Variants in SLC27A2 observed in about 807,000 individuals in gnomAD.
The protein encoded by SLC27A2 is long-chain fatty acid transport protein 2.
A neutral mutation model predicts 60.0 loss-of-function variants in SLC27A2; 54 were observed. The observed-to-expected ratio is 0.90, with a 90% CI of 0.72 to 1.13. The LOEUF (loss-of-function observed/expected upper bound fraction) is 1.13. Among genes scored for constraint, SLC27A2 ranks in the 50% most tolerant of loss-of-function variants. SLC27A2 has a pLI of 0.00. For synonymous variants in SLC27A2, 297 were observed against 297.6 expected, an observed-to-expected ratio of 1.00 and a Z score of 0.02; for missense variants, 739 against 777.6, an observed-to-expected ratio of 0.95 and a Z score of 0.59.
At chr15:50,201,101 C>T (rs2045060220) in intron 2 of SLC27A2, among the ~76,000 whole-genome samples, 1 of 152,158 alleles carries the variant, frequency 6.6e-6, no homozygotes, top group Non-Finnish European at 1.5e-5. Flanking sequence ...AGGCGATCAT[C>T]CCACCCAAGT....
chr15:50,218,362 A>G (rs2045217973), intron 4 of SLC27A2, among the ~76,000 whole-genome samples: 1 of 152,158 alleles, frequency 6.6e-6, no homozygotes. Flanking sequence ...ATTTAATTGG[A>G]AATCAGGAAA....
At chr15:50,196,609 T>G (rs1401579646) in intron 1 of SLC27A2, among the ~76,000 whole-genome samples, 1 of 152,200 alleles carries the variant, frequency 6.6e-6, no homozygotes, top group Non-Finnish European at 1.5e-5. Context: ...TACCTTTTAC[T>G]ATGCTAAGAT....
At chr15:50,201,125 G>C (rs1401251585) in intron 2 of SLC27A2, among the ~76,000 whole-genome samples, 1 of 152,154 alleles carries the variant, frequency 6.6e-6, no homozygotes, top group Admixed American at 6.5e-5. Flanking sequence ...TAGGACTACA[G>C]GTGCATACCG....
At chr15:50,223,400 T>G (rs1218683704) in intron 5 of SLC27A2, among the ~76,000 whole-genome samples, 1 of 152,204 alleles carries the variant, frequency 6.6e-6, no homozygotes, top group Admixed American at 6.5e-5. Flanking sequence ...CATCTGCAAC[T>G]TAGGTGAAGT....
intron 2 of SLC27A2, among the ~76,000 whole-genome samples, chr15:50,200,592 T>C (rs1244323189): frequency 6.6e-6 from 1 of 152,218 alleles, no homozygotes; most frequent in Admixed American, 6.5e-5. Flanking sequence ...CCACCAAGTA[T>C]TGAAGAATCT....
intron 5 of SLC27A2, among the ~76,000 whole-genome samples, chr15:50,224,679 C>T (rs1385006348): frequency 6.6e-6 from 1 of 152,182 alleles, no homozygotes; most frequent in Non-Finnish European, 1.5e-5. Flanking sequence ...CAAACAGTAG[C>T]CACTAGCTAC....
At chr15:50,188,953 G>C (rs1205153568) in intron 1 of SLC27A2, among the ~76,000 whole-genome samples, 1 of 151,456 alleles carries the variant, frequency 6.6e-6, no homozygotes, top group East Asian at 1.9e-4. Flanking sequence ...GAGTGAGACT[G>C]TCTAGATAGG....
At chr15:50,222,310 A>G (rs2045248711) in intron 4 of SLC27A2, among the ~76,000 whole-genome samples, 1 of 152,156 alleles carries the variant, frequency 6.6e-6, no homozygotes, top group Admixed American at 6.5e-5. Flanking sequence ...GATCTTATGA[A>G]CACTGGAGTC....
intron 8 of SLC27A2, 127 bp downstream of exon 8, chr15:50,229,169 G>C (rs182709694): frequency 1.6e-6 from 1 of 634,064 alleles, no homozygotes; most frequent in East Asian, 2.8e-5. Context: ...CTGCCAGGGA[G>C]TAAGGAGCTT....
chr15:50,231,425 A>G (rs1487930577), intron 8 of SLC27A2, among the ~76,000 whole-genome samples: 1 of 152,170 alleles, frequency 6.6e-6, no homozygotes. Context: ...TGCTGGGATT[A>G]CAGGCATGAG....
At chr15:50,186,004 G>A (rs145061546) in intron 1 of SLC27A2, among the ~76,000 whole-genome samples, 1 of 152,044 alleles carries the variant, frequency 6.6e-6, no homozygotes, top group Non-Finnish European at 1.5e-5. Context: ...TTGGGAAGTG[G>A]AGGAGGGAGG....
At chr15:50,195,259 G>C (rs144485089) in intron 1 of SLC27A2, among the ~76,000 whole-genome samples, 1 of 148,768 alleles carries the variant, frequency 6.7e-6, no homozygotes, top group African/African-American at 2.5e-5. Context: ...GAGGTCAGGA[G>C]ATCGAGACCA....
chr15:50,194,157 T>TA (rs2044995803), intron 1 of SLC27A2, among the ~76,000 whole-genome samples: 1 of 151,930 alleles, frequency 6.6e-6, no homozygotes, highest in Non-Finnish European at 1.5e-5. Context: ...AAAGAAAAAT[T>TA]AAAAAATTGA....
rs1384451682 is a variant in SLC27A2, at chr15:50,199,434, C to T, written c.688+1725C>T. Among the ~76,000 whole-genome samples the T allele has an allele frequency of 4.1e-5, 6 of 147,026 alleles. No homozygotes were observed. In the East Asian group the frequency reaches 6.0e-4, roughly 15 times the overall value. ...CGGAGCTTGCAGTGAGCCGAGATTG[C>T]GCCACTGCACTCCAGCCTGGGCGAC... is the stretch of plus-strand genomic sequence containing the variant. On this transcript the variant is annotated intron_variant, in intron 2 of 9. Transcript: ENST00000267842.
chr15:50,219,702 C>A (rs2045229665), intron 4 of SLC27A2, among the ~76,000 whole-genome samples: 1 of 152,042 alleles, frequency 6.6e-6, no homozygotes, highest in Admixed American at 6.6e-5. Context: ...TCATAGGGTT[C>A]TTTAGAAACA....
intron 4 of SLC27A2, among the ~76,000 whole-genome samples, chr15:50,206,096 T>C (rs1284333382): frequency 6.6e-6 from 1 of 152,132 alleles, no homozygotes. Context: ...TCAGATAGGA[T>C]TTATCAATGG....
intron 2 of SLC27A2, among the ~76,000 whole-genome samples, chr15:50,201,351 C>T (rs4775870): frequency 0.99 from 150,576 of 152,296 alleles, 74,461 homozygotes; most frequent in Middle Eastern, 1. Flanking sequence ...TGAATTGCCA[C>T]GTGGACGAGC....
chr15:50,218,613 A>G (rs1357034386), intron 4 of SLC27A2, among the ~76,000 whole-genome samples: 1 of 152,216 alleles, frequency 6.6e-6, no homozygotes, highest in African/African-American at 2.4e-5. Context: ...GATACAAATT[A>G]TTGCCCATCT....
chr15:50,196,045 C>T (rs1341876471), intron 1 of SLC27A2, among the ~76,000 whole-genome samples: 1 of 42,850 alleles, frequency 2.3e-5, no homozygotes, highest in Non-Finnish European at 5.3e-5. Flanking sequence ...CAGAGCCAGA[C>T]TCTGTCTCAA....
Sources: gnomAD v4.1 joint callset for allele counts (sites outside exome capture counted in the v4.1 genomes callset) on GRCh38, gnomAD v4.1.1 for gene constraint, MANE v1.5 for transcripts, NCBI Gene and HGNC (gene_info 2026-07-23, HGNC 2026-07-21) for gene names.